MRS2: variants seen among roughly 807,000 people sequenced by gnomAD.
MRS2 encodes magnesium transporter MRS2 homolog, mitochondrial.
Under a neutral mutation model 52.6 loss-of-function variants are expected in MRS2, and 40 were observed. The observed-to-expected ratio is 0.76, with a 90% CI of 0.59 to 0.99. The LOEUF (loss-of-function observed/expected upper bound fraction) is 0.99. Among genes scored for constraint, MRS2 ranks in the 50% least tolerant of loss-of-function variants. MRS2 has a pLI of 0.00. For synonymous variants in MRS2, 193 were observed against 195.9 expected, an observed-to-expected ratio of 0.98 and a Z score of 0.13; for missense variants, 472 against 532.7, an observed-to-expected ratio of 0.89 and a Z score of 1.12.
At chr6:24,412,169 G>T in intron 4 of MRS2, 53 bp from the exon 5 acceptor site, 1 of 1,056,990 alleles carries the variant, frequency 9.5e-7, no homozygotes, top group South Asian at 1.9e-5. Context: ...ATACATGCAT[G>T]TGTGTATATA....
At chr6:24,405,573 C>T (rs1761440045) in intron 2 of MRS2, among the ~76,000 whole-genome samples, 1 of 151,126 alleles carries the variant, frequency 6.6e-6, no homozygotes, top group Non-Finnish European at 1.5e-5. Context: ...TTTAAAAATG[C>T]ATGCTTTGAA....
chr6:24,411,063 G>T (rs1485582144), intron 4 of MRS2, among the ~76,000 whole-genome samples: 1 of 151,936 alleles, frequency 6.6e-6, no homozygotes, highest in Non-Finnish European at 1.5e-5. Context: ...GGTGGCGGGT[G>T]CCTGTAATTC....
In MRS2 at chr6:24,423,844, G is replaced by T; in HGVS notation, c.*150G>T. ...TTTTGGCAGTCACAATACCAGAACT[G>T]GATTGCATTTCCAGAATTCTGAGTT... is the stretch of plus-strand genomic sequence containing the variant. On this transcript the variant is annotated 3_prime_UTR_variant, in exon 11 of 11. Transcript: ENST00000378386. 2.5e-6 allele frequency: 1 copy of T among 407,230 alleles called. No homozygotes were observed. The highest frequency in any genetic ancestry group is 4.5e-6 in the Non-Finnish European group (1 of 224,456). The allele number at this position is 407,230 out of a possible 1,614,324, so 25.2% of individuals were successfully genotyped here. A position where few individuals can be genotyped will look rare whatever the true frequency, so the allele number is the denominator to read the frequency against.
At chr6:24,418,278 AATT>A (rs201318400) in intron 8 of MRS2, 42 bp downstream of exon 8, 52,968 of 1,483,716 alleles carry the variant, frequency 0.036, 1,142 homozygotes, top group Non-Finnish European at 0.041. Flanking sequence ...TTAATAAAAT[AATT>A]ATAAGAAAGT....
Position 24,418,192 on chromosome 6 carries a change from G to C in MRS2, c.945G>C (p.Val315=). The C allele has an allele frequency of 6.2e-7, 1 of 1,612,756 alleles. No homozygotes were observed. Among genetic ancestry groups the C allele is most frequent in the Non-Finnish European group, 8.5e-7 (1 of 1,179,444 alleles). Residue 315 remains valine, a synonymous_variant, in exon 8 of 11, where the codon GTG becomes GTC. Coordinates refer to ENST00000378386, the MANE Select transcript of MRS2 (RefSeq NM_020662.4). ...DLSNAARELR[V]LIDDSQSIIF... ...CCAATGCAGCTCGTGAGCTTAGGGT[G>C]CTGATTGATGATTCACAAAGTATTA...
chr6:24,409,243 G>A (rs1023332727), intron 3 of MRS2, among the ~76,000 whole-genome samples: 6 of 152,194 alleles, frequency 3.9e-5, no homozygotes, highest in Non-Finnish European at 7.3e-5. Context: ...TAAGTAGTGA[G>A]AAAGTTATGA....
intron 2 of MRS2, among the ~76,000 whole-genome samples, chr6:24,406,690 G>A (rs762801077): frequency 9.2e-5 from 14 of 152,084 alleles, no homozygotes; most frequent in Non-Finnish European, 1.3e-4. Flanking sequence ...CAGGAGAATC[G>A]CTTGAACCTG....
At position 24,423,058 on chromosome 6, in the gene MRS2, G is replaced by T. The variant is rs1464151250; in HGVS notation, c.1221+8G>T. On this transcript the variant is annotated splice_region_variant and intron_variant, in intron 10 of 10. Coordinates refer to ENST00000378386, the MANE Select transcript of MRS2 (RefSeq NM_020662.4). The stretch of plus-strand genomic sequence containing the variant: ...GCTCCATTGCCTCCTATGGTATGAA[G>T]GATATGGTTCACGGCGGTATTGTGG... The T allele has an allele frequency of 6.2e-7, 1 of 1,607,410 alleles. No individual in the cohort carries two copies. Among genetic ancestry groups the T allele is most frequent in the East Asian group, 2.2e-5 (1 of 44,862 alleles).
chr6:24,415,299 T>C (rs901951771), intron 6 of MRS2, 136 bp downstream of exon 6: 21 of 789,692 alleles, frequency 2.7e-5, no homozygotes, highest in Non-Finnish European at 3.6e-5. Flanking sequence ...GGGCACACAA[T>C]CTACTGTTTG....
rs1055202605 is a variant in MRS2 at position 24,425,664 on chromosome 6, A to G, written c.*1970A>G. 6.6e-6 allele frequency: 1 copy of G among 152,224 alleles called. No homozygotes were observed. Among genetic ancestry groups the G allele is most frequent in the Non-Finnish European group, 1.5e-5 (1 of 68,038 alleles). 9.4% of individuals were successfully genotyped at this position (152,224 alleles called of 1,614,324 possible). A position where few individuals can be genotyped will look rare whatever the true frequency, so the allele number is the denominator to read the frequency against. On this transcript the variant is annotated 3_prime_UTR_variant, in exon 11 of 11. Transcript: ENST00000378386. ...AATTACTGTTTGAAAGTAGGTACCA[A>G]ACACTGGGTTATGTGAGTGAGTAAG... is the stretch of plus-strand genomic sequence containing the variant.
In MRS2 at chr6:24,423,608, C is replaced by T. The variant is rs1243705093; in HGVS notation, c.1246C>T (p.Leu416Phe). ...PMMASLPKKTLLADRSMELKN... is the reference protein window; with the variant it reads ...PMMASLPKKTFLADRSMELKN... Reference sequence around the variant, plus strand: ...GATGGCTTCTTTACCTAAAAAGACTCTTCTGGCAGATAGAAGCATGGAATT... The same window carrying T: ...GATGGCTTCTTTACCTAAAAAGACTTTTCTGGCAGATAGAAGCATGGAATT... The change falls in exon 11 of 11, where the codon CTT becomes TTT. Residue 416 changes from leucine to phenylalanine, a missense_variant. Leu to Phe is a conservative substitution (Grantham distance 22, BLOSUM62 0). Coordinates refer to ENST00000378386, the MANE Select transcript of MRS2 (RefSeq NM_020662.4). The T allele has an allele frequency of 3.1e-6, 5 of 1,608,796 alleles. No homozygotes were observed. The highest frequency in any genetic ancestry group is 2.2e-5 in the East Asian group (1 of 44,780).
At chr6:24,412,470 G>A in intron 5 of MRS2, 75 bp downstream of exon 5, 2 of 1,260,154 alleles carry the variant, frequency 1.6e-6, no homozygotes, top group African/African-American at 1.5e-5. Context: ...ACAAGTTGGG[G>A]TATTGTTTCA....
At chr6:24,422,488 C>CAA (rs1260919342) in intron 9 of MRS2, among the ~76,000 whole-genome samples, 1 of 152,078 alleles carries the variant, frequency 6.6e-6, no homozygotes, top group South Asian at 2.1e-4. Flanking sequence ...TATCGGAAGA[C>CAA]AAAAAATTTA....
intron 7 of MRS2, among the ~76,000 whole-genome samples, chr6:24,416,901 G>A (rs184945593): frequency 2.0e-5 from 3 of 152,184 alleles, no homozygotes; most frequent in East Asian, 3.8e-4. Context: ...GATTATGTAA[G>A]TTCAGTCTAA....
chr6:24,413,938 CTAAA>C (rs1202517666), intron 5 of MRS2, among the ~76,000 whole-genome samples: 2 of 152,178 alleles, frequency 1.3e-5, no homozygotes, highest in African/African-American at 2.4e-5. Context: ...TTGTGTTAAC[CTAAA>C]TAGTCTATTT....
At chr6:24,408,913 T>A (rs1165392015) in intron 3 of MRS2, among the ~76,000 whole-genome samples, 1 of 152,178 alleles carries the variant, frequency 6.6e-6, no homozygotes, top group African/African-American at 2.4e-5. Flanking sequence ...GATGGCTCTC[T>A]GTGGACAGCT....
chr6:24,403,262 T>C (rs1206171107), intron 1 of MRS2, 26 bp downstream of exon 1: 1 of 1,570,672 alleles, frequency 6.4e-7, no homozygotes, highest in South Asian at 1.2e-5. Context: ...GGCAACAGCC[T>C]TGGGACGCTG....
intron 9 of MRS2, among the ~76,000 whole-genome samples, chr6:24,422,460 TTAG>T (rs1254814980): frequency 2.0e-5 from 3 of 152,218 alleles, no homozygotes; most frequent in Non-Finnish European, 4.4e-5. Context: ...CCTTAGTGTC[TTAG>T]TAATTTTTTC....
chr6:24,422,605 G>C lies in MRS2; in HGVS notation c.1108-332G>C, dbSNP rs200110203. 4.9e-4 allele frequency among the ~76,000 whole-genome samples: 58 copies of C among 118,518 alleles called. 2 individuals are homozygous for C. In the East Asian group the frequency reaches 0.011, roughly 23 times the overall value. The allele number at this position is 118,518 out of a possible 152,430, so 77.8% of individuals were successfully genotyped here. On this transcript the variant is annotated intron_variant, in intron 9 of 10. Coordinates refer to ENST00000378386, the MANE Select transcript of MRS2 (RefSeq NM_020662.4). ...ACATTCAGCTCACAGTTTGAGAACT[G>C]TGGATATAAGCAAAGACCTTAAATT...
Sources: allele counts gnomAD v4.1 joint callset (sites outside exome capture counted in the v4.1 genomes callset), GRCh38; gene constraint gnomAD v4.1.1; transcripts MANE v1.5; gene names NCBI Gene and HGNC (gene_info 2026-07-23, HGNC 2026-07-21).